The following CRISPLD1 variants were observed in gnomAD, a reference collection of about 807,000 sequenced individuals.
The protein encoded by CRISPLD1 is cysteine-rich secretory protein LCCL domain-containing 1.
Under a neutral mutation model 77.5 loss-of-function variants are expected in CRISPLD1, and 60 were observed. That is an observed-to-expected ratio of 0.77 (90% confidence interval 0.63 to 0.96). The LOEUF (loss-of-function observed/expected upper bound fraction) is 0.96. Ranked by LOEUF, CRISPLD1 falls within the 40% of genes least tolerant of loss-of-function variation. The pLI is 0.00. For synonymous variants in CRISPLD1, 195 were observed against 200.1 expected, an observed-to-expected ratio of 0.97 and a Z score of 0.22; for missense variants, 623 against 615.8, an observed-to-expected ratio of 1.01 and a Z score of -0.12.
intron 2 of CRISPLD1, among the ~76,000 whole-genome samples, chr8:75,002,208 T>A (rs1404090021): frequency 4.6e-5 from 7 of 151,880 alleles, no homozygotes; most frequent in Non-Finnish European, 1.0e-4. Context: ...GCAGTGATTA[T>A]CTTATTTTTC....
Position 75,016,931 on chromosome 8 carries a change from A to G in CRISPLD1, c.919A>G (p.Thr307Ala). ...ATTAAGAGATCAGTGCAAAGGAACA[A>G]CCTGCAATAGGTAATATTTGTTATT... Reference protein sequence around the residue: ...VRLRDQCKGTTCNRYECPAGC... With the variant: ...VRLRDQCKGTACNRYECPAGC... Residue 307 changes from threonine to alanine, a missense_variant, in exon 8 of 15, where the codon ACC (threonine) becomes GCC (alanine). Physicochemically the swap from Thr to Ala is moderately conservative, Grantham distance 58. Transcript: ENST00000262207. 1 of 1,559,508 alleles carries G rather than the reference A, an allele frequency of 6.4e-7. No individual in the cohort carries two copies. Among genetic ancestry groups the G allele is most frequent in the Non-Finnish European group, 8.7e-7 (1 of 1,148,972 alleles).
chr8:75,031,359 T>G (rs1813341962), intron 14 of CRISPLD1, among the ~76,000 whole-genome samples: 1 of 152,144 alleles, frequency 6.6e-6, no homozygotes, highest in Admixed American at 6.6e-5. Flanking sequence ...TAAAACTTTA[T>G]GTAAAAGCTT....
intron 2 of CRISPLD1, among the ~76,000 whole-genome samples, chr8:75,000,843 C>T (rs188308247): frequency 7.4e-4 from 112 of 151,648 alleles, no homozygotes; most frequent in African/African-American, 2.7e-3. Context: ...GGAAGGAAAA[C>T]AAAATGGGAT....
intron 2 of CRISPLD1, among the ~76,000 whole-genome samples, chr8:75,002,871 C>A (rs964512096): frequency 4.6e-5 from 7 of 152,120 alleles, no homozygotes; most frequent in Admixed American, 6.6e-5. Flanking sequence ...ATATTTAACA[C>A]CATCTTCTTT....
chr8:75,022,726 T>A (rs1184816782), intron 12 of CRISPLD1, among the ~76,000 whole-genome samples: 1 of 152,070 alleles, frequency 6.6e-6, no homozygotes, highest in Admixed American at 6.5e-5. Flanking sequence ...ATGACTTAAG[T>A]AGGCTGAGGC....
At chr8:74,994,685 G>C (rs1378324504) in intron 2 of CRISPLD1, among the ~76,000 whole-genome samples, 1 of 152,092 alleles carries the variant, frequency 6.6e-6, no homozygotes, top group African/African-American at 2.4e-5. Flanking sequence ...AACAGAAAAT[G>C]AGAACTTTTA....
At chr8:75,030,743 AGT>A (rs1386791413) in intron 14 of CRISPLD1, among the ~76,000 whole-genome samples, 1 of 130,980 alleles carries the variant, frequency 7.6e-6, no homozygotes, top group East Asian at 2.0e-4. Context: ...TATATGTATG[AGT>A]GTGTGTATAT....
chr8:74,986,361 CT>C (rs1812499094), intron 2 of CRISPLD1, 116 bp downstream of exon 2: 2 of 1,094,498 alleles, frequency 1.8e-6, no homozygotes, highest in African/African-American at 3.2e-5. Flanking sequence ...AAAAGATTTT[CT>C]TTGAGGGTAT....
At chr8:74,994,933 G>A (rs911494259) in intron 2 of CRISPLD1, among the ~76,000 whole-genome samples, 44 of 152,128 alleles carry the variant, frequency 2.9e-4, no homozygotes, top group African/African-American at 7.5e-4. Flanking sequence ...AAGATGGGGC[G>A]CAGTGTGAGA....
chr8:75,011,978 AT>A (rs1239901309), intron 2 of CRISPLD1, among the ~76,000 whole-genome samples: 2 of 152,290 alleles, frequency 1.3e-5, no homozygotes, highest in Admixed American at 1.3e-4. Flanking sequence ...CAGAAAAAGT[AT>A]TTTATAAAGC....
At chr8:74,990,138 C>T (rs979494413) in intron 2 of CRISPLD1, among the ~76,000 whole-genome samples, 7 of 151,998 alleles carry the variant, frequency 4.6e-5, no homozygotes, top group East Asian at 1.9e-4. Flanking sequence ...AATTATGTAA[C>T]GTGTATATTA....
Position 74,984,519 on chromosome 8 carries a change from C to T in CRISPLD1, c.-464C>T, listed in dbSNP as rs1486141849. 1 of 152,308 alleles carries T rather than the reference C, an allele frequency of 6.6e-6. No individual in the cohort carries two copies. Among genetic ancestry groups the T allele is most frequent in the African/African-American group, 2.4e-5 (1 of 41,470 alleles). The allele number at this position is 152,308 out of a possible 1,614,324, so 9.4% of individuals were successfully genotyped here. ...GAGAGAGCGACGGAAGCGCTAGGCG[C>T]CTGGTTCTGCGCGTACTGGCTGTAC... On this transcript the variant is annotated 5_prime_UTR_variant, in exon 1 of 15. Transcript: ENST00000262207.
At position 75,018,119 on chromosome 8, in the gene CRISPLD1, A is replaced by T. The variant is rs571013338; in HGVS notation, c.1127+669A>T. ...TAAACATTACTGAAGTTCATACAGA[A>T]CTCCTTTTCTTAGGAAATTTGACAT... On this transcript the variant is annotated intron_variant, in intron 10 of 14. Transcript: ENST00000262207. Among the ~76,000 whole-genome samples the T allele has an allele frequency of 5.9e-4, 90 of 152,152 alleles. 1 individual carries two copies. Among genetic ancestry groups the T allele is most frequent in the Admixed American group, 1.8e-3 (27 of 15,278 alleles).
At chr8:75,009,869 T>G (rs887304202) in intron 2 of CRISPLD1, among the ~76,000 whole-genome samples, 3 of 152,132 alleles carry the variant, frequency 2.0e-5, no homozygotes, top group African/African-American at 7.2e-5. Context: ...ACAACTTGAA[T>G]TATACTTTTG....
intron 2 of CRISPLD1, among the ~76,000 whole-genome samples, chr8:75,001,552 A>G (rs1812741470): frequency 6.6e-6 from 1 of 152,236 alleles, no homozygotes; most frequent in African/African-American, 2.4e-5. Context: ...GTGAACAGTA[A>G]AGCTTCTTAA....
chr8:75,025,053 A>C (rs1190633802), intron 12 of CRISPLD1, among the ~76,000 whole-genome samples: 1 of 152,240 alleles, frequency 6.6e-6, no homozygotes, highest in Non-Finnish European at 1.5e-5. Flanking sequence ...AGGATATTCA[A>C]GTATGGAATT....
intron 2 of CRISPLD1, among the ~76,000 whole-genome samples, chr8:74,989,489 C>T (rs1054897824): frequency 2.6e-5 from 4 of 151,778 alleles, no homozygotes; most frequent in African/African-American, 7.3e-5. Flanking sequence ...TTGTTCTTCT[C>T]ATTGGCAAAA....
rs571100743 is a variant in CRISPLD1 at position 75,012,188 on chromosome 8, C to T, written c.259-245C>T. On this transcript the variant is annotated intron_variant, in intron 2 of 14. Transcript: ENST00000262207. ...GACAGAGGAATCACTTCAGCATATTCGTGTTCACTTAAGTAATTGTAAAGA... is the reference window on the plus strand; with the variant it reads ...GACAGAGGAATCACTTCAGCATATTTGTGTTCACTTAAGTAATTGTAAAGA... Among the ~76,000 whole-genome samples, 15 of 152,118 alleles carry T rather than the reference C, an allele frequency of 9.9e-5. No individual in the cohort carries two copies. The South Asian group carries it at 2.1e-3, about 21-fold the overall frequency.
chr8:74,991,295 T>A (rs1194775315), intron 2 of CRISPLD1, among the ~76,000 whole-genome samples: 2 of 152,056 alleles, frequency 1.3e-5, no homozygotes, highest in Non-Finnish European at 2.9e-5. Flanking sequence ...CATGCCAGTC[T>A]TTGTACCTAC....
Sources: gnomAD v4.1 joint callset for allele counts (sites outside exome capture counted in the v4.1 genomes callset) on GRCh38, gnomAD v4.1.1 for gene constraint, MANE v1.5 for transcripts, NCBI Gene and HGNC (gene_info 2026-07-23, HGNC 2026-07-21) for gene names.